The following AATK variants were observed in gnomAD, a reference collection of about 807,000 sequenced individuals.
AATK encodes lemur tail kinase 1, also known as serine/threonine-protein kinase LMTK1.
AATK carries 91 observed loss-of-function variants against 114.3 expected under a neutral mutation model. The observed-to-expected ratio is 0.80, with a 90% CI of 0.67 to 0.95. The LOEUF is 0.95. AATK is among the 40% of genes least tolerant of loss of function. AATK has a pLI of 0.00. For missense variants in AATK, 2,176 were observed against 1,965.2 expected (o/e 1.11, Z -2.03); for synonymous variants, 1,075 against 916.5 (o/e 1.17, Z -3.12).
In AATK at chr17:81,137,461, CCACCCTGG is replaced by C. The variant is rs375007218; in HGVS notation, c.56-2968_56-2961del. ...CTCCCTCAGGCCCACCTGCTCTCGG[CCACCCTGG>C]CACCCACAGCCGAGTGCACCCACCG... On this transcript the variant is annotated intron_variant, in intron 1 of 13. Transcript: ENST00000326724. 1.7e-3 allele frequency among the ~76,000 whole-genome samples: 265 copies of C among 152,172 alleles called. 5 individuals carry two copies. Among genetic ancestry groups the C allele is most frequent in the Middle Eastern group, 0.01 (3 of 294 alleles).
rs368959215 is a variant in AATK at position 81,127,628 on chromosome 17, G to A, written c.576C>T (p.Cys192=). 16 of 1,600,994 alleles carry A rather than the reference G, an allele frequency of 1.0e-5. No individual in the cohort carries two copies. The highest frequency in any genetic ancestry group is 6.8e-5 in the East Asian group (3 of 44,326). The change falls in exon 6 of 14, where the codon TGC becomes TGT. Residue 192 remains cysteine (C), a synonymous_variant. Transcript: ENST00000326724. The part of the protein sequence containing the change: ...HSNLLQCLAQ[C]AEVTPYLLVM... Reference sequence around the variant, plus strand: ...CCAGCAGGTAGGGCGTCACCTCGGCGCACTGGGCCAGGCACTGGAGCAGGT... The same window carrying A: ...CCAGCAGGTAGGGCGTCACCTCGGCACACTGGGCCAGGCACTGGAGCAGGT...
rs530076533 is a variant in AATK, at chr17:81,138,205, C to A, written c.56-3704G>T. Reference sequence around the variant, plus strand: ...CACATGCGTGCACACACACACACACCCCCACATGCACACATATCCACCCAC... The same window carrying A: ...CACATGCGTGCACACACACACACACACCCACATGCACACATATCCACCCAC... On this transcript the variant is annotated intron_variant, in intron 1 of 13. Coordinates refer to ENST00000326724, the MANE Select transcript of AATK (RefSeq NM_001080395.3). 3.8e-3 allele frequency among the ~76,000 whole-genome samples: 548 copies of A among 144,080 alleles called. 1 individual carries two copies. Among genetic ancestry groups the A allele is most frequent in the Non-Finnish European group, 5.8e-3 (376 of 65,378 alleles). 94.5% of individuals were successfully genotyped at this position (144,080 alleles called of 152,430 possible).
At chr17:81,141,571 C>T (rs2061139072) in intron 1 of AATK, among the ~76,000 whole-genome samples, 1 of 152,246 alleles carries the variant, frequency 6.6e-6, no homozygotes, top group African/African-American at 2.4e-5. Context: ...CAAGGGGCTC[C>T]CCAGCAAAGC....
chr17:81,163,988 G>A (rs1007295440), intron 1 of AATK, among the ~76,000 whole-genome samples: 5 of 152,210 alleles, frequency 3.3e-5, no homozygotes, highest in Admixed American at 2.6e-4. Context: ...ACAGACACAA[G>A]CAGCCTCAGA....
At chr17:81,138,142 CAT>C (rs1173905600) in intron 1 of AATK, among the ~76,000 whole-genome samples, 4 of 150,376 alleles carry the variant, frequency 2.7e-5, no homozygotes, top group African/African-American at 7.4e-5. Context: ...CACATGCACA[CAT>C]ACGCGCACGC....
At chr17:81,163,297 C>T (rs1242061724) in intron 1 of AATK, among the ~76,000 whole-genome samples, 1 of 152,196 alleles carries the variant, frequency 6.6e-6, no homozygotes, top group Non-Finnish European at 1.5e-5. Flanking sequence ...GGGTGAGCAA[C>T]AAGGCCAGCC....
intron 1 of AATK, among the ~76,000 whole-genome samples, chr17:81,146,332 G>A (rs1290918011): frequency 6.6e-6 from 1 of 151,852 alleles, no homozygotes; most frequent in Non-Finnish European, 1.5e-5. Context: ...CTGGACCGCA[G>A]CCTGGGTGAC....
At chr17:81,154,888 C>G (rs1217740439) in intron 1 of AATK, among the ~76,000 whole-genome samples, 1 of 152,140 alleles carries the variant, frequency 6.6e-6, no homozygotes, top group Non-Finnish European at 1.5e-5. Context: ...CCTCGGCCTC[C>G]CAAACTGCTG....
rs1299207989 is a variant in AATK at position 81,117,872 on chromosome 17, GAC to G, written c.*528_*529del. 1 of 152,882 alleles carries G rather than the reference GAC, an allele frequency of 6.5e-6. No homozygotes were observed. The highest frequency in any genetic ancestry group is 1.5e-5 in the Non-Finnish European group (1 of 68,446). The allele number at this position is 152,882 out of a possible 1,614,324, so 9.5% of individuals were successfully genotyped here. On this transcript the variant is annotated 3_prime_UTR_variant, in exon 14 of 14. Coordinates refer to ENST00000326724, the MANE Select transcript of AATK (RefSeq NM_001080395.3). ...AGATAAGGGCAGCGGAAACAGGACC[GAC>G]ACGGGCGCCCAGGGCCACTCCTTGC...
At chr17:81,138,693 CCAAG>C (rs909096843) in intron 1 of AATK, among the ~76,000 whole-genome samples, 9 of 149,492 alleles carry the variant, frequency 6.0e-5, no homozygotes, top group African/African-American at 2.0e-4. Flanking sequence ...CCACACACAC[CCAAG>C]CACGCAGATA....
intron 1 of AATK, among the ~76,000 whole-genome samples, chr17:81,145,626 G>A (rs949496534): frequency 5.3e-5 from 8 of 151,706 alleles, no homozygotes; most frequent in African/African-American, 1.5e-4. Context: ...CTAGCTACTC[G>A]GGAGGCTGAG....
intron 1 of AATK, among the ~76,000 whole-genome samples, chr17:81,139,500 C>T (rs1278949889): frequency 6.6e-6 from 1 of 152,282 alleles, no homozygotes; most frequent in Non-Finnish European, 1.5e-5. Context: ...CTGTTCAACC[C>T]TCTGCTACCA....
At chr17:81,153,626 G>T (rs570840477) in intron 1 of AATK, among the ~76,000 whole-genome samples, 42 of 152,286 alleles carry the variant, frequency 2.8e-4, no homozygotes, top group African/African-American at 9.9e-4. Context: ...TGGTGTTGTT[G>T]CTCCGTCACC....
chr17:81,131,866 A>G, intron 2 of AATK: 1 of 1,308,304 alleles, frequency 7.6e-7, no homozygotes, highest in Non-Finnish European at 1.0e-6. Context: ...CTGGGAGCCC[A>G]GAGCCAACCG....
Position 81,126,812 on chromosome 17 carries a change from C to T in AATK, c.622-252G>A, listed in dbSNP as rs1598919691. On this transcript the variant is annotated intron_variant, in intron 6 of 13. Coordinates refer to ENST00000326724, the MANE Select transcript of AATK (RefSeq NM_001080395.3). The surrounding 1 kb of genome is among the most constrained non-coding windows in gnomAD (Gnocchi z 5.1). The stretch of plus-strand genomic sequence containing the variant: ...AGCCAGCCCCGGGCAGCAGGAGTCC[C>T]TTGGCCTGTGGTAGAGAGAGAAACA... 7.4e-7 allele frequency: 1 copy of T among 1,351,792 alleles called. No individual in the cohort carries two copies. Among genetic ancestry groups the T allele is most frequent in the East Asian group, 2.7e-5 (1 of 36,566 alleles). The allele number at this position is 1,351,792 out of a possible 1,614,324, so 83.7% of individuals were successfully genotyped here.
rs373450307 is a variant in AATK, at chr17:81,131,176, G to A, written c.219C>T (p.Tyr73=). ...KEFENAEGDE[Y]AADLAQGSPA... ...GGGAGCCCTGCGCCAGGTCGGCTGC[G>A]TACTCGTCCCCCTCCGCATTCTCAA... The change falls in exon 3 of 14, where the codon TAC becomes TAT. Residue 73 remains tyrosine, a synonymous_variant. Coordinates refer to ENST00000326724, the MANE Select transcript of AATK (RefSeq NM_001080395.3). 113 of 1,580,912 alleles carry A rather than the reference G, an allele frequency of 7.1e-5. No homozygotes were observed. The highest frequency in any genetic ancestry group is 1.7e-4 in the Middle Eastern group (1 of 6,050).
chr17:81,146,050 G>C (rs552534229), intron 1 of AATK, among the ~76,000 whole-genome samples: 1 of 151,744 alleles, frequency 6.6e-6, no homozygotes, highest in Non-Finnish European at 1.5e-5. Context: ...TTGGCCGGGC[G>C]TGGTGGCGGA....
At chr17:81,139,187 A>T (rs1408216435) in intron 1 of AATK, among the ~76,000 whole-genome samples, 1 of 152,188 alleles carries the variant, frequency 6.6e-6, no homozygotes, top group Non-Finnish European at 1.5e-5. Flanking sequence ...CAGTGATGTC[A>T]CAAGCACACC....
rs1234399594 is a variant in AATK, at chr17:81,122,144, T to C, written c.1792A>G (p.Ser598Gly). 6.5e-7 allele frequency: 1 copy of C among 1,526,872 alleles called. No homozygotes were observed. Among genetic ancestry groups the C allele is most frequent in the Admixed American group, 2.0e-5 (1 of 50,994 alleles). 94.6% of individuals were successfully genotyped at this position (1,526,872 alleles called of 1,614,324 possible). ...GGGCAGAGCGGGTCCCGCGCCAAGC[T>C]TCTGCGAGGGTAGTGGTCGCCGCGG... The part of the protein sequence containing the change: ...WGRGDHYPRR[S>G]LARDPLCPSR... Residue 598 changes from serine (S) to glycine (G), a missense_variant, in exon 11 of 14, where the codon AGC becomes GGC. By Grantham distance (56) the Ser-to-Gly change is moderately conservative (BLOSUM62 0). Around this residue, in one of 4 missense-constraint regions of AATK, gnomAD observed 1,701 missense variants for 1,394.7 expected, o/e 1.22. Transcript: ENST00000326724.
Sources: allele counts gnomAD v4.1 joint callset (sites outside exome capture counted in the v4.1 genomes callset), GRCh38; gene constraint gnomAD v4.1.1; regional missense constraint gnomAD v4.1.1; non-coding constraint Gnocchi (gnomAD v3.1); transcripts MANE v1.5; gene names NCBI Gene and HGNC (gene_info 2026-07-23, HGNC 2026-07-21).